Variants in TOX observed in about 807,000 individuals in gnomAD.
TOX encodes the protein thymocyte selection-associated high mobility group box protein TOX.
TOX carries 11 observed loss-of-function variants against 53.7 expected under a neutral mutation model. The observed-to-expected ratio is 0.20, with a 90% confidence interval of 0.13 to 0.34. The LOEUF is 0.34. TOX is among the 10% of genes least tolerant of loss of function. The pLI is 1.00. For synonymous variants in TOX, 225 were observed against 245.3 expected (o/e 0.92, Z 0.77); for missense variants, 570 against 664.6 (o/e 0.86, Z 1.56).
intron 1 of TOX, 74 bp from the exon 2 acceptor site, chr8:58,960,082 G>GT (rs1392648278): frequency 1.3e-6 from 2 of 1,529,992 alleles, no homozygotes; most frequent in African/African-American, 1.4e-5. Context: ...GTTTTGTTTT[G>GT]TTTTTTAACC....
chr8:58,893,417 G>A (rs1811591295), intron 3 of TOX, among the ~76,000 whole-genome samples: 2 of 152,054 alleles, frequency 1.3e-5, no homozygotes, highest in Non-Finnish European at 2.9e-5. Flanking sequence ...CCACTGCAGT[G>A]GTCCCTGAGT....
At chr8:59,014,793 TG>T (rs1166622414) in intron 1 of TOX, among the ~76,000 whole-genome samples, 16 of 152,178 alleles carry the variant, frequency 1.1e-4, no homozygotes, top group African/African-American at 3.6e-4. Flanking sequence ...CAGAATGGAA[TG>T]GAGGAATGGT....
intron 1 of TOX, among the ~76,000 whole-genome samples, chr8:59,090,108 T>C (rs149568725): frequency 6.7e-4 from 102 of 152,352 alleles, no homozygotes; most frequent in African/African-American, 2.4e-3. Context: ...AGTGACAATA[T>C]TGAAGGGCTT....
At chr8:58,950,331 G>A (rs901793485) in intron 2 of TOX, among the ~76,000 whole-genome samples, 1 of 152,090 alleles carries the variant, frequency 6.6e-6, no homozygotes, top group Non-Finnish European at 1.5e-5. Flanking sequence ...ACAAATGCTG[G>A]GTGCAAACTC....
chr8:59,053,158 C>T (rs766212146), intron 1 of TOX, among the ~76,000 whole-genome samples: 1 of 152,076 alleles, frequency 6.6e-6, no homozygotes, highest in Admixed American at 6.5e-5. Context: ...AAATGTTTTG[C>T]TTAAGCACAA....
intron 1 of TOX, among the ~76,000 whole-genome samples, chr8:59,096,425 T>C (rs1289567489): frequency 6.6e-6 from 1 of 152,188 alleles, no homozygotes; most frequent in Non-Finnish European, 1.5e-5. Context: ...AAATTGGAAA[T>C]GAATTCCTCT....
intron 1 of TOX, among the ~76,000 whole-genome samples, chr8:58,968,635 A>C (rs1169273945): frequency 6.6e-6 from 1 of 152,196 alleles, no homozygotes; most frequent in Non-Finnish European, 1.5e-5. Context: ...GAAAGTAATT[A>C]CTTTTTGGGG....
rs199562518 is a variant in TOX at position 59,057,716 on chromosome 8, T to C, written c.102+61170A>G. On this transcript the variant is annotated intron_variant, in intron 1 of 8. Transcript: ENST00000361421. ...CTGGGAAAAAATGCATGCTGAGTGGTCGAATTACACATTTTTATTGCTTCA... is the reference window on the plus strand; with the variant it reads ...CTGGGAAAAAATGCATGCTGAGTGGCCGAATTACACATTTTTATTGCTTCA... Among the ~76,000 whole-genome samples, 5 of 152,354 alleles carry C rather than the reference T, an allele frequency of 3.3e-5. No homozygotes were observed. The East Asian group carries it at 9.6e-4, about 29-fold the overall frequency.
intron 1 of TOX, among the ~76,000 whole-genome samples, chr8:59,080,644 T>C (rs769682622): frequency 2.0e-5 from 3 of 152,152 alleles, no homozygotes; most frequent in African/African-American, 4.8e-5. Flanking sequence ...GTTTGGATCA[T>C]GGGGGCAGAT....
intron 1 of TOX, among the ~76,000 whole-genome samples, chr8:59,077,856 C>T (rs1020221603): frequency 1.3e-5 from 2 of 152,148 alleles, no homozygotes; most frequent in African/African-American, 4.8e-5. Context: ...CCTGGCAACT[C>T]TATATATGGA....
chr8:59,027,014 C>T (rs540361086), intron 1 of TOX, among the ~76,000 whole-genome samples: 4 of 151,980 alleles, frequency 2.6e-5, no homozygotes, highest in Admixed American at 6.5e-5. Context: ...TGAAGGCTTT[C>T]GTGATTACCA....
chr8:59,013,025 C>G (rs966173044), intron 1 of TOX, among the ~76,000 whole-genome samples: 1 of 151,960 alleles, frequency 6.6e-6, no homozygotes, highest in African/African-American at 2.4e-5. Context: ...TTTTAATTAT[C>G]CAGCAATTCT....
intron 1 of TOX, among the ~76,000 whole-genome samples, chr8:59,067,297 T>A (rs897133771): frequency 5.9e-5 from 9 of 152,288 alleles, no homozygotes; most frequent in African/African-American, 2.2e-4. Flanking sequence ...CTCACCCCCA[T>A]AATCCCAGCA....
chr8:59,058,593 ATG>A (rs1340815439), intron 1 of TOX, among the ~76,000 whole-genome samples: 1 of 152,168 alleles, frequency 6.6e-6, no homozygotes, highest in Non-Finnish European at 1.5e-5. Context: ...CCAGCTAAAG[ATG>A]TACAAGCTAT....
intron 1 of TOX, among the ~76,000 whole-genome samples, chr8:59,065,171 T>C (rs1411023685): frequency 6.6e-6 from 1 of 152,184 alleles, no homozygotes; most frequent in African/African-American, 2.4e-5. Flanking sequence ...TTGGCAGAAA[T>C]TCTCATTTTA....
intron 1 of TOX, among the ~76,000 whole-genome samples, chr8:58,992,388 T>C (rs1813471269): frequency 1.3e-5 from 2 of 152,328 alleles, no homozygotes; most frequent in South Asian, 2.1e-4. Context: ...TATTTTTTTT[T>C]CCTTATATAG....
intron 1 of TOX, among the ~76,000 whole-genome samples, chr8:59,020,854 G>C (rs1300842320): frequency 6.6e-6 from 1 of 151,952 alleles, no homozygotes; most frequent in African/African-American, 2.4e-5. Flanking sequence ...ATATAGTTTA[G>C]GCAATAGTAA....
intron 1 of TOX, among the ~76,000 whole-genome samples, chr8:58,974,224 G>T (rs528329205): frequency 1.2e-4 from 18 of 152,256 alleles, no homozygotes; most frequent in Admixed American, 5.9e-4. Context: ...GTGGATAGAG[G>T]CCAGGGATGC....
At chr8:58,812,825 T>G (rs1458060020) in intron 7 of TOX, among the ~76,000 whole-genome samples, 2 of 152,240 alleles carry the variant, frequency 1.3e-5, no homozygotes, top group African/African-American at 4.8e-5. Context: ...TTTTAAAAAC[T>G]TCCAAGGAAT....
Sources: allele counts gnomAD v4.1 joint callset (sites outside exome capture counted in the v4.1 genomes callset), GRCh38; gene constraint gnomAD v4.1.1; transcripts MANE v1.5; gene names NCBI Gene and HGNC (gene_info 2026-07-23, HGNC 2026-07-21).